The following PDE1A variants were observed in gnomAD, a reference collection of about 807,000 sequenced individuals.
PDE1A encodes the protein phosphodiesterase 1A.
A neutral mutation model predicts 61.7 loss-of-function variants in PDE1A; 35 were observed. The observed-to-expected ratio is 0.57, with a 90% CI of 0.43 to 0.75. The LOEUF is 0.75. Among genes scored for constraint, PDE1A ranks in the 30% least tolerant of loss-of-function variants. The pLI is 0.00. For missense variants in PDE1A, 597 were observed against 630.6 expected (o/e 0.95, Z 0.57); for synonymous variants, 232 against 213.2 (o/e 1.09, Z -0.77).
chr2:182,167,587 A>G (rs1691720819), downstream of PDE1A, among the ~76,000 whole-genome samples: 2 of 152,138 alleles, frequency 1.3e-5, no homozygotes, highest in South Asian at 2.1e-4. Context: ...TCTGTGAGGC[A>G]TAAAAACCCA....
chr2:182,210,811 T>C (rs1012835537), intron 7 of PDE1A, among the ~76,000 whole-genome samples: 7 of 152,166 alleles, frequency 4.6e-5, no homozygotes, highest in Non-Finnish European at 1.0e-4. Context: ...CTGTGATCCA[T>C]TTTGAGTTAA....
intron 13 of PDE1A, among the ~76,000 whole-genome samples, chr2:182,162,753 C>T (rs949586927): frequency 6.6e-6 from 1 of 152,136 alleles, no homozygotes; most frequent in Non-Finnish European, 1.5e-5. Context: ...CTGTGGCCCT[C>T]CAGTTATAGT....
downstream of PDE1A, chr2:182,167,806 T>C (rs551297357): frequency 7.1e-6 from 4 of 565,618 alleles, no homozygotes; most frequent in Middle Eastern, 8.7e-4. Context: ...TTAGGACAAA[T>C]GGTAGAATTA....
intron 13 of PDE1A, among the ~76,000 whole-genome samples, chr2:182,182,714 C>T (rs1684871748): frequency 6.6e-6 from 1 of 151,924 alleles, no homozygotes; most frequent in Non-Finnish European, 1.5e-5. Flanking sequence ...TGCTTCACTG[C>T]CCTTCTTGTT....
chr2:182,299,555 T>C (rs1695098298), intron 1 of PDE1A, among the ~76,000 whole-genome samples: 2 of 150,438 alleles, frequency 1.3e-5, no homozygotes, highest in Admixed American at 1.3e-4. Context: ...TAACTCACCA[T>C]TCTGGACCTG....
chr2:182,502,028 G>T (rs538110318), intron 2 of PDE1A, among the ~76,000 whole-genome samples: 2 of 152,270 alleles, frequency 1.3e-5, no homozygotes, highest in South Asian at 2.1e-4. Flanking sequence ...GACACCGCTG[G>T]CAGGCCCTCA....
At chr2:182,337,198 G>A (rs1158655881) in intron 1 of PDE1A, among the ~76,000 whole-genome samples, 1 of 151,974 alleles carries the variant, frequency 6.6e-6, no homozygotes, top group Non-Finnish European at 1.5e-5. Flanking sequence ...CTCAAAGGTA[G>A]GGAAAGGATT....
chr2:182,326,927 G>C (rs1697083109), intron 1 of PDE1A, among the ~76,000 whole-genome samples: 2 of 152,210 alleles, frequency 1.3e-5, no homozygotes, highest in South Asian at 4.1e-4. Flanking sequence ...TCATTTATTT[G>C]TAATGTAAAC....
chr2:182,424,024 G>A (rs1018389606), intron 1 of PDE1A, among the ~76,000 whole-genome samples: 2 of 147,198 alleles, frequency 1.4e-5, no homozygotes, highest in Non-Finnish European at 3.0e-5. Context: ...AGCTCACTGC[G>A]ACCTCCGCCT....
chr2:182,173,542 T>C (rs1218130944), intron 13 of PDE1A, among the ~76,000 whole-genome samples: 1 of 148,018 alleles, frequency 6.8e-6, no homozygotes, highest in Non-Finnish European at 1.5e-5. Flanking sequence ...ATAGGAACAA[T>C]AAAGGAAATA....
At chr2:182,339,265 AT>A (rs1353097660) in intron 1 of PDE1A, among the ~76,000 whole-genome samples, 3 of 151,958 alleles carry the variant, frequency 2.0e-5, no homozygotes, top group East Asian at 1.9e-4. Context: ...TCAAAGGTGC[AT>A]TTTTTTTACC....
the PDE1A span, among the ~76,000 whole-genome samples, chr2:182,625,831 G>A: frequency 1.3e-5 from 2 of 152,128 alleles, no homozygotes; most frequent in East Asian, 3.8e-4. Flanking sequence ...AAACCTTGAT[G>A]TCTTCTAATA....
chr2:182,352,085 G>C (rs1698915231), intron 1 of PDE1A, among the ~76,000 whole-genome samples: 1 of 152,188 alleles, frequency 6.6e-6, no homozygotes, highest in South Asian at 2.1e-4. Flanking sequence ...TGTGCACCAA[G>C]ACTGTGGAAC....
intron 1 of PDE1A, among the ~76,000 whole-genome samples, chr2:182,376,446 G>A (rs988606200): frequency 6.6e-6 from 1 of 152,182 alleles, no homozygotes; most frequent in African/African-American, 2.4e-5. Context: ...CTTTGCTCCA[G>A]TTCTCAACAA....
intron 2 of PDE1A, among the ~76,000 whole-genome samples, chr2:182,256,758 C>T (rs2125757949): frequency 6.6e-6 from 1 of 152,144 alleles, no homozygotes. Flanking sequence ...GTTTTTTAAA[C>T]TTTTCGTTTC....
chr2:182,154,438 T>C lies in PDE1A; in HGVS notation c.1517-7286A>G, dbSNP rs1410030223. Among the ~76,000 whole-genome samples, 4 of 152,166 alleles carry C rather than the reference T, an allele frequency of 2.6e-5. No individual in the cohort carries two copies. The South Asian group carries it at 6.2e-4, about 24-fold the overall frequency. On this transcript the variant is annotated intron_variant, in intron 13 of 13. Coordinates refer to the PDE1A transcript ENST00000409365. ...TATGAATGGCTCTAAGAAGTTGATA[T>C]GGTTTAGCTGTGTCCCCACCCATAT...
At chr2:182,554,856 G>T in the PDE1A span, among the ~76,000 whole-genome samples, 1 of 152,202 alleles carries the variant, frequency 6.6e-6, no homozygotes, top group East Asian at 1.9e-4. Flanking sequence ...TTAGCAAAAC[G>T]AAGTCAGTAT....
the PDE1A span, among the ~76,000 whole-genome samples, chr2:182,558,390 C>T: frequency 3.3e-5 from 5 of 152,098 alleles, no homozygotes; most frequent in African/African-American, 9.6e-5. Flanking sequence ...ATTTAATATA[C>T]ATATTAATGG....
chr2:182,460,539 T>C (rs1474537135), intron 2 of PDE1A, among the ~76,000 whole-genome samples: 1 of 152,146 alleles, frequency 6.6e-6, no homozygotes, highest in Non-Finnish European at 1.5e-5. Flanking sequence ...CACCGCACCC[T>C]GATTGCAACC....
Sources: gnomAD v4.1 joint callset for allele counts (sites outside exome capture counted in the v4.1 genomes callset) on GRCh38, gnomAD v4.1.1 for gene constraint, MANE v1.5 for transcripts, NCBI Gene and HGNC (gene_info 2026-07-23, HGNC 2026-07-21) for gene names.